The following CTDSPL variants were observed in gnomAD, a reference collection of about 807,000 sequenced individuals.
CTDSPL encodes CTD small phosphatase-like protein.
CTDSPL carries 8 observed loss-of-function variants against 30.5 expected under a neutral mutation model. That is an observed-to-expected ratio of 0.26 (90% CI 0.15 to 0.47). The LOEUF is 0.47. CTDSPL is among the 20% of genes least tolerant of loss of function. The probability of loss-of-function intolerance (pLI) is 0.99; values close to 1 mark genes in which losing one functional copy is unlikely to be tolerated. For missense variants in CTDSPL, 248 were observed against 366.1 expected (o/e 0.68, Z 2.63); for synonymous variants, 110 against 137.9 (o/e 0.80, Z 1.42).
At chr3:37,897,323 C>G (rs1460668309) in intron 1 of CTDSPL, among the ~76,000 whole-genome samples, 1 of 152,148 alleles carries the variant, frequency 6.6e-6, no homozygotes, top group Non-Finnish European at 1.5e-5. Context: ...CCAAGTTTCT[C>G]ATGAAGACCT....
intron 1 of CTDSPL, among the ~76,000 whole-genome samples, chr3:37,886,397 G>A (rs182249085): frequency 1.3e-5 from 2 of 152,156 alleles, no homozygotes; most frequent in East Asian, 1.9e-4. Context: ...CTATCACAAT[G>A]ACCAGTCCCA....
At chr3:37,882,114 C>T (rs1453463174) in intron 1 of CTDSPL, among the ~76,000 whole-genome samples, 1 of 152,094 alleles carries the variant, frequency 6.6e-6, no homozygotes, top group East Asian at 1.9e-4. Context: ...TTGAGACCAG[C>T]CTGGCCAACA....
intron 7 of CTDSPL, 119 bp from the exon 8 acceptor site, chr3:37,980,623 T>A: frequency 7.7e-7 from 1 of 1,297,066 alleles, no homozygotes; most frequent in African/African-American, 1.5e-5. Context: ...ATGATAACGA[T>A]GATGACACCA....
At chr3:37,923,111 G>C (rs1001867839) in intron 1 of CTDSPL, among the ~76,000 whole-genome samples, 1 of 152,216 alleles carries the variant, frequency 6.6e-6, no homozygotes, top group African/African-American at 2.4e-5. Context: ...TCTAGGGGAG[G>C]AGAAACCTGT....
rs1697957766 is a variant in CTDSPL, at chr3:37,862,722, T to C, written c.79+444T>C. On this transcript the variant is annotated intron_variant, in intron 1 of 7. Coordinates refer to ENST00000273179, the MANE Select transcript of CTDSPL (RefSeq NM_001008392.2). The surrounding 1 kb of genome is among the most constrained non-coding windows in gnomAD (Gnocchi z 4.3). ...TAACGGAGATGTTGTGAGTGCTTTT[T>C]TTCCTGACAGGCTGTGAGTTTGTGT... Among the ~76,000 whole-genome samples, 1 of 152,208 alleles carries C rather than the reference T, an allele frequency of 6.6e-6. No individual in the cohort carries two copies. Among genetic ancestry groups the C allele is most frequent in the Non-Finnish European group, 1.5e-5 (1 of 68,038 alleles).
chr3:37,922,807 C>T (rs1698733034), intron 1 of CTDSPL, among the ~76,000 whole-genome samples: 1 of 152,182 alleles, frequency 6.6e-6, no homozygotes, highest in African/African-American at 2.4e-5. Flanking sequence ...AAGGGCCTTG[C>T]CACTCCTGGT....
chr3:37,980,259 A>C (rs1183447295), intron 7 of CTDSPL, among the ~76,000 whole-genome samples: 1 of 152,154 alleles, frequency 6.6e-6, no homozygotes, highest in Non-Finnish European at 1.5e-5. Context: ...CAAGGGAGGA[A>C]ATTTACCACT....
At chr3:37,966,975 G>A (rs1699305830) in intron 4 of CTDSPL, among the ~76,000 whole-genome samples, 1 of 152,216 alleles carries the variant, frequency 6.6e-6, no homozygotes, top group South Asian at 2.1e-4. Flanking sequence ...AGAACTGTGT[G>A]TAAGTTCATC....
chr3:37,981,495 G>A lies in CTDSPL; in HGVS notation c.*628G>A, dbSNP rs1699492574. On this transcript the variant is annotated 3_prime_UTR_variant, in exon 8 of 8. Coordinates refer to ENST00000273179, the MANE Select transcript of CTDSPL (RefSeq NM_001008392.2). ...CTCTGACAACCTGTGGCATGCTGCA[G>A]GGTCAGGCTCCTGATAGGAGGATTT... 3 of 225,710 alleles carry A rather than the reference G, an allele frequency of 1.3e-5. No individual in the cohort carries two copies. In the Admixed American group the frequency reaches 1.6e-4, roughly 12 times the overall value. 14.0% of individuals were successfully genotyped at this position (225,710 alleles called of 1,614,324 possible).
chr3:37,964,634 A>C lies in CTDSPL; in HGVS notation c.331A>C (p.Ile111Leu). The change falls in exon 4 of 8, where the codon ATT becomes CTT. Residue 111 changes from isoleucine (I) to leucine (L), a missense_variant. By Grantham distance (5) the Ile-to-Leu change is conservative. Around this residue, in one of 4 missense-constraint regions of CTDSPL, gnomAD observed 45 missense variants for 83.1 expected, o/e 0.54. Transcript: ENST00000273179. ...VLDYGKKCVV[I>L]DLDETLVHSS... ...TGACTATGGAAAGAAATGTGTGGTC[A>C]TTGATTTAGATGAAACATTGGTGCA... The C allele has an allele frequency of 6.2e-7, 1 of 1,614,066 alleles. No individual in the cohort carries two copies. The highest frequency in any genetic ancestry group is 8.5e-7 in the Non-Finnish European group (1 of 1,179,944).
chr3:37,862,118 C>CA lies in CTDSPL; in HGVS notation c.-82_-81insA. On this transcript the variant is annotated 5_prime_UTR_variant, in exon 1 of 8. Coordinates refer to ENST00000273179, the MANE Select transcript of CTDSPL (RefSeq NM_001008392.2). This position sits in a 1 kb window ranked among gnomAD's most constrained non-coding sequence, Gnocchi z 4.3. ...GCTGCGAGCGCCCCCCCGCGCCGCG[C>CA]CCCCGCGCCCCCCGCGCCGCGCCCC... is the stretch of plus-strand genomic sequence containing the variant. 3.9e-6 allele frequency: 2 copies of CA among 518,062 alleles called. No homozygotes were observed. Among genetic ancestry groups the CA allele is most frequent in the Non-Finnish European group, 4.9e-6 (2 of 409,242 alleles). The allele number at this position is 518,062 out of a possible 1,614,324, so 32.1% of individuals were successfully genotyped here. A position where few individuals can be genotyped will look rare whatever the true frequency, so the allele number is the denominator to read the frequency against.
In CTDSPL at chr3:37,862,914, A is replaced by G. The variant is rs552292352; in HGVS notation, c.79+636A>G. 1.4e-4 allele frequency among the ~76,000 whole-genome samples: 22 copies of G among 152,286 alleles called. No individual in the cohort carries two copies. The highest frequency in any genetic ancestry group is 5.1e-4 in the African/African-American group (21 of 41,558). On this transcript the variant is annotated intron_variant, in intron 1 of 7. Transcript: ENST00000273179. The surrounding 1 kb of genome is among the most constrained non-coding windows in gnomAD (Gnocchi z 4.3). Reference sequence around the variant, plus strand: ...CTGGCGGATTGAATGTGTTGTATACATCTACTGGGAGGGCGTGTGTGTGTG... The same window carrying G: ...CTGGCGGATTGAATGTGTTGTATACGTCTACTGGGAGGGCGTGTGTGTGTG...
Position 37,862,348 on chromosome 3 carries a change from G to A in CTDSPL, c.79+70G>A. On this transcript the variant is annotated intron_variant, in intron 1 of 7. Transcript: ENST00000273179. This position sits in a 1 kb window ranked among gnomAD's most constrained non-coding sequence, Gnocchi z 4.3. The stretch of plus-strand genomic sequence containing the variant: ...CCCCGCGCCGCTGGAGTTCACTGCC[G>A]GGCGCCGGCATGGGCCTGGGGGAGG... The A allele has an allele frequency of 2.3e-6, 3 of 1,327,380 alleles. No homozygotes were observed. Among genetic ancestry groups the A allele is most frequent in the South Asian group, 3.2e-5 (2 of 61,578 alleles). 82.2% of individuals were successfully genotyped at this position (1,327,380 alleles called of 1,614,324 possible). A position where few individuals can be genotyped will look rare whatever the true frequency, so the allele number is the denominator to read the frequency against.
At chr3:37,871,576 T>C (rs1188045440) in intron 1 of CTDSPL, among the ~76,000 whole-genome samples, 1 of 152,204 alleles carries the variant, frequency 6.6e-6, no homozygotes, top group African/African-American at 2.4e-5. Context: ...CTTTCAGAAG[T>C]TTAGTTATGA....
intron 1 of CTDSPL, among the ~76,000 whole-genome samples, chr3:37,903,427 G>A (rs1280245027): frequency 6.6e-6 from 1 of 152,100 alleles, no homozygotes; most frequent in Non-Finnish European, 1.5e-5. Flanking sequence ...GAGGTATGAG[G>A]CTGATTTTGG....
chr3:37,864,838 AG>A (rs1423962870), intron 1 of CTDSPL, among the ~76,000 whole-genome samples: 1 of 152,128 alleles, frequency 6.6e-6, no homozygotes, highest in Non-Finnish European at 1.5e-5. Flanking sequence ...TAAATATTTA[AG>A]TTTTATAATA....
At chr3:37,884,347 A>G (rs1177972295) in intron 1 of CTDSPL, among the ~76,000 whole-genome samples, 2 of 152,242 alleles carry the variant, frequency 1.3e-5, no homozygotes, top group Non-Finnish European at 2.9e-5. Flanking sequence ...AAACATATAC[A>G]TCAATATAAA....
intron 1 of CTDSPL, among the ~76,000 whole-genome samples, chr3:37,915,055 T>C (rs1698630525): frequency 6.6e-6 from 1 of 151,962 alleles, no homozygotes; most frequent in African/African-American, 2.4e-5. Flanking sequence ...CAGCCAGTGT[T>C]ATTTTCTTTC....
chr3:37,947,244 A>G (rs1480579018), intron 2 of CTDSPL, 33 bp downstream of exon 2: 1 of 1,593,536 alleles, frequency 6.3e-7, no homozygotes, highest in South Asian at 1.1e-5. Context: ...GCCCTCCATA[A>G]AACTGCAGCA....
Sources: allele counts gnomAD v4.1 joint callset (sites outside exome capture counted in the v4.1 genomes callset), GRCh38; gene constraint gnomAD v4.1.1; regional missense constraint gnomAD v4.1.1; non-coding constraint Gnocchi (gnomAD v3.1); transcripts MANE v1.5; gene names NCBI Gene and HGNC (gene_info 2026-07-23, HGNC 2026-07-21).